Variants in PTPRD observed in about 807,000 individuals in gnomAD.
PTPRD encodes the protein receptor-type tyrosine-protein phosphatase delta.
PTPRD carries 34 observed loss-of-function variants against 214.5 expected under a neutral mutation model. That is an observed-to-expected ratio of 0.16 (90% CI 0.12 to 0.21). PTPRD has a LOEUF of 0.21. PTPRD is among the 10% of genes least tolerant of loss of function. The pLI is 1.00. For synonymous variants in PTPRD, 1,128 were observed against 845.7 expected, an observed-to-expected ratio of 1.33 and a Z score of -5.79; for missense variants, 2,545 against 2,398.7, an observed-to-expected ratio of 1.06 and a Z score of -1.27.
chr9:10,508,703 A>C lies in PTPRD; in HGVS notation c.-600+103695T>G, dbSNP rs574466890. Among the ~76,000 whole-genome samples the C allele has an allele frequency of 8.5e-5, 13 of 152,212 alleles. No homozygotes were observed. In the South Asian group the frequency reaches 2.3e-3, roughly 27 times the overall value. On this transcript the variant is annotated intron_variant, in intron 2 of 45. Coordinates refer to ENST00000381196, the MANE Select transcript of PTPRD (RefSeq NM_002839.4). ...AGCAAACTATCGCAAGGACAAAAAAACAAACACCGCATGTTCTCACTCATA... is the reference window on the plus strand; with the variant it reads ...AGCAAACTATCGCAAGGACAAAAAACCAAACACCGCATGTTCTCACTCATA...
At chr9:10,512,246 T>C (rs1413015224) in intron 2 of PTPRD, among the ~76,000 whole-genome samples, 1 of 151,684 alleles carries the variant, frequency 6.6e-6, no homozygotes, top group Non-Finnish European at 1.5e-5. Flanking sequence ...CAAATTATAC[T>C]GATAGAGTAA....
At chr9:8,794,690 A>C (rs1026470496) in intron 11 of PTPRD, among the ~76,000 whole-genome samples, 5 of 152,048 alleles carry the variant, frequency 3.3e-5, no homozygotes, top group Non-Finnish European at 5.9e-5. Flanking sequence ...TAAAATGAGA[A>C]ATAAATTACA....
At chr9:9,960,173 A>G (rs1378599413) in intron 4 of PTPRD, among the ~76,000 whole-genome samples, 1 of 151,976 alleles carries the variant, frequency 6.6e-6, no homozygotes, top group Non-Finnish European at 1.5e-5. Context: ...CATATTCAAA[A>G]AATTTTAAAA....
chr9:10,316,483 T>C (rs547942355), intron 3 of PTPRD, among the ~76,000 whole-genome samples: 1 of 151,962 alleles, frequency 6.6e-6, no homozygotes, highest in African/African-American at 2.4e-5. Flanking sequence ...GATTAAATAA[T>C]ATTGGATAAA....
intron 4 of PTPRD, among the ~76,000 whole-genome samples, chr9:9,968,208 C>G (rs1373791631): frequency 6.6e-6 from 1 of 152,138 alleles, no homozygotes; most frequent in African/African-American, 2.4e-5. Flanking sequence ...ATGCAGTGTG[C>G]TACACTAGGA....
chr9:9,029,121 T>A (rs2099596591), intron 10 of PTPRD, among the ~76,000 whole-genome samples: 1 of 151,912 alleles, frequency 6.6e-6, no homozygotes, highest in East Asian at 1.9e-4. Flanking sequence ...TGAGAATGTT[T>A]TAGCTATATT....
chr9:10,100,555 C>T (rs1272271004), intron 3 of PTPRD, among the ~76,000 whole-genome samples: 1 of 151,576 alleles, frequency 6.6e-6, no homozygotes, highest in Non-Finnish European at 1.5e-5. Flanking sequence ...AGTCAGCAAC[C>T]ACAGGGAATA....
chr9:8,800,130 T>C (rs575222100), intron 11 of PTPRD, among the ~76,000 whole-genome samples: 1 of 152,180 alleles, frequency 6.6e-6, no homozygotes, highest in South Asian at 2.1e-4. Context: ...TTCCCTACCT[T>C]CCACATATAA....
rs1347478592 is a variant in PTPRD at position 9,910,380 on chromosome 9, G to C, written c.-368+28127C>G. 3.3e-5 allele frequency among the ~76,000 whole-genome samples: 5 copies of C among 151,846 alleles called. No individual in the cohort carries two copies. The East Asian group carries it at 9.7e-4, about 29-fold the overall frequency. On this transcript the variant is annotated intron_variant, in intron 5 of 45. Transcript: ENST00000381196. ...AAAAATATCTGTATAGCAATTTTCA[G>C]TCAACATCTGTATACGAGTATGCAG...
chr9:9,773,094 C>T (rs2098766603), intron 5 of PTPRD, among the ~76,000 whole-genome samples: 1 of 152,062 alleles, frequency 6.6e-6, no homozygotes, highest in Non-Finnish European at 1.5e-5. Context: ...ATATGAATAT[C>T]AAGTGAATTT....
intron 8 of PTPRD, among the ~76,000 whole-genome samples, chr9:9,453,387 C>T (rs770299139): frequency 2.0e-5 from 3 of 151,496 alleles, no homozygotes; most frequent in Non-Finnish European, 4.4e-5. Flanking sequence ...CAAAAGGCAA[C>T]ATAATATCAT....
chr9:10,291,366 T>A (rs1398506272), intron 3 of PTPRD, among the ~76,000 whole-genome samples: 2 of 152,116 alleles, frequency 1.3e-5, no homozygotes, highest in African/African-American at 4.8e-5. Flanking sequence ...TCCTAATCCT[T>A]GAATGTTTGA....
intron 6 of PTPRD, among the ~76,000 whole-genome samples, chr9:9,748,762 G>C (rs1175889996): frequency 6.6e-6 from 1 of 152,178 alleles, no homozygotes; most frequent in Non-Finnish European, 1.5e-5. Context: ...GATTTGACTG[G>C]ATTTTTACAC....
intron 10 of PTPRD, among the ~76,000 whole-genome samples, chr9:9,043,520 C>A (rs1054086987): frequency 6.6e-6 from 1 of 152,178 alleles, no homozygotes; most frequent in African/African-American, 2.4e-5. Flanking sequence ...TCACTTTCAA[C>A]TAAACCATCA....
intron 8 of PTPRD, among the ~76,000 whole-genome samples, chr9:9,400,635 A>G (rs1281981981): frequency 6.6e-6 from 1 of 152,086 alleles, no homozygotes; most frequent in Non-Finnish European, 1.5e-5. Context: ...GAAAATATAG[A>G]AATCCTTCCA....
chr9:10,566,998 C>T (rs912848011), intron 2 of PTPRD, among the ~76,000 whole-genome samples: 2 of 152,094 alleles, frequency 1.3e-5, no homozygotes, highest in Admixed American at 1.3e-4. Flanking sequence ...ATAAATACTT[C>T]TGTGAAACTC....
At chr9:8,353,332 A>G (rs1275990178) in intron 39 of PTPRD, among the ~76,000 whole-genome samples, 1 of 152,132 alleles carries the variant, frequency 6.6e-6, no homozygotes, top group African/African-American at 2.4e-5. Flanking sequence ...TTGGTTTTGT[A>G]GAGGCCTGTT....
intron 9 of PTPRD, among the ~76,000 whole-genome samples, chr9:9,361,943 T>C (rs879916422): frequency 3.3e-5 from 5 of 151,124 alleles, no homozygotes; most frequent in Admixed American, 2.0e-4. Context: ...TTCTCATATA[T>C]GTTGGATATT....
intron 21 of PTPRD, among the ~76,000 whole-genome samples, chr9:8,514,190 G>T (rs1457638861): frequency 1.3e-5 from 2 of 152,064 alleles, no homozygotes; most frequent in Non-Finnish European, 2.9e-5. Context: ...GATATGGTCT[G>T]TCTACTTCAA....
Sources: allele counts gnomAD v4.1 joint callset (sites outside exome capture counted in the v4.1 genomes callset), GRCh38; gene constraint gnomAD v4.1.1; transcripts MANE v1.5; gene names NCBI Gene and HGNC (gene_info 2026-07-23, HGNC 2026-07-21).